Variants in ADAMTS14 observed in about 807,000 individuals in gnomAD.
ADAMTS14 encodes the protein A disintegrin and metalloproteinase with thrombospondin motifs 14.
In ADAMTS14, 100 loss-of-function variants were observed where a neutral mutation model predicts 128.6. The ratio of observed to expected loss-of-function variants is 0.78; its 90% CI spans 0.66 to 0.92. ADAMTS14 has a LOEUF of 0.92. Ranked by LOEUF, ADAMTS14 falls within the 40% of genes least tolerant of loss-of-function variation. ADAMTS14 has a pLI of 0.00. For missense variants in ADAMTS14, 1,562 were observed against 1,658.6 expected, an observed-to-expected ratio of 0.94 and a Z score of 1.01; for synonymous variants, 665 against 653.8, an observed-to-expected ratio of 1.02 and a Z score of -0.26.
chr10:70,746,539 G>A (rs774942372), intron 15 of ADAMTS14, among the ~76,000 whole-genome samples: 2 of 152,154 alleles, frequency 1.3e-5, no homozygotes, highest in African/African-American at 4.8e-5. Context: ...CAGGCGCAGC[G>A]GCTCACGCCT....
In ADAMTS14 at chr10:70,751,541, G is replaced by A. The variant is rs779748965; in HGVS notation, c.2491G>A (p.Asp831Asn). The change falls in exon 17 of 22, where the codon GAC (aspartate) becomes AAC (asparagine). Residue 831 changes from aspartate to asparagine, a missense_variant. Physicochemically the swap from Asp to Asn is conservative, Grantham distance 23 (BLOSUM62 1). Transcript: ENST00000373207. ...GGCCTACAAGTACGTCATCCATGAG[G>A]ACCTGCTGCCCCTTATCGGGAGCAA... ...SLAYKYVIHE[D>N]LLPLIGSNNV... is the part of the protein sequence containing the mutation. 1 of 1,613,678 alleles carries A rather than the reference G, an allele frequency of 6.2e-7. No individual in the cohort carries two copies. The highest frequency in any genetic ancestry group is 8.5e-7 in the Non-Finnish European group (1 of 1,179,664).
chr10:70,675,507 G>A (rs1169393284), intron 2 of ADAMTS14, among the ~76,000 whole-genome samples: 1 of 152,150 alleles, frequency 6.6e-6, no homozygotes, highest in African/African-American at 2.4e-5. Flanking sequence ...TCGTGGCGTG[G>A]GCACAGTTAG....
At chr10:70,692,118 G>T (rs976610438) in intron 2 of ADAMTS14, among the ~76,000 whole-genome samples, 4 of 151,996 alleles carry the variant, frequency 2.6e-5, no homozygotes, top group Non-Finnish European at 5.9e-5. Context: ...TGATTTCATC[G>T]GTCTGGGAGG....
intron 3 of ADAMTS14, among the ~76,000 whole-genome samples, chr10:70,705,901 A>C (rs949695327): frequency 2.6e-5 from 4 of 152,230 alleles, no homozygotes; most frequent in Non-Finnish European, 5.9e-5. Context: ...CATGTGCAAG[A>C]TTTTATGTGA....
intron 4 of ADAMTS14, 48 bp downstream of exon 4, chr10:70,708,826 GCCCCA>G: frequency 2.0e-5 from 8 of 396,606 alleles, no homozygotes; most frequent in East Asian, 7.1e-5. Flanking sequence ...GGTGGGGTGG[GCCCCA>G]CCCCACCCCA....
At chr10:70,746,665 C>A (rs1435896164) in intron 15 of ADAMTS14, among the ~76,000 whole-genome samples, 1 of 152,188 alleles carries the variant, frequency 6.6e-6, no homozygotes, top group African/African-American at 2.4e-5. Flanking sequence ...AATAAACAAT[C>A]AGCTAGGCGT....
Position 70,674,642 on chromosome 10 carries a change from G to C in ADAMTS14, c.169G>C (p.Val57Leu). The C allele has an allele frequency of 6.2e-7, 1 of 1,613,668 alleles. No individual in the cohort carries two copies. The highest frequency in any genetic ancestry group is 8.5e-7 in the Non-Finnish European group (1 of 1,180,032). ...TCGGGGACGCTTCCTCTCCCACGTG[G>C]TGTCTGGCCCAGCAGCAGCCTCTGC... ...DFRGRFLSHV[V>L]SGPAAASAGS... Residue 57 changes from valine (V) to leucine (L), a missense_variant, in exon 2 of 22, where the codon GTG (valine) becomes CTG (leucine). Coordinates refer to ENST00000373207, the MANE Select transcript of ADAMTS14 (RefSeq NM_080722.4).
chr10:70,695,173 T>A (rs1840297595), intron 2 of ADAMTS14, among the ~76,000 whole-genome samples: 1 of 152,168 alleles, frequency 6.6e-6, no homozygotes, highest in Non-Finnish European at 1.5e-5. Context: ...AAACGTCTGT[T>A]CAGATCCCTT....
chr10:70,721,279 T>G (rs1841253462), intron 4 of ADAMTS14, among the ~76,000 whole-genome samples: 1 of 152,118 alleles, frequency 6.6e-6, no homozygotes, highest in African/African-American at 2.4e-5. Flanking sequence ...TGCCTCAGCC[T>G]CCCAAAGTGC....
intron 4 of ADAMTS14, 148 bp from the exon 5 acceptor site, chr10:70,729,146 A>G (rs1309973562): frequency 1.7e-5 from 11 of 663,448 alleles, no homozygotes; most frequent in Non-Finnish European, 2.9e-5. Context: ...CCTCAGTCTC[A>G]GTTTCTTTAT....
rs542372507 is a variant in ADAMTS14, at chr10:70,751,484, C to T, written c.2434C>T (p.Pro812Ser). The change falls in exon 17 of 22, where the codon CCC becomes TCC. Residue 812 changes from proline to serine, a missense_variant. Transcript: ENST00000373207. ...GCTCCCCATCTCCCCTCAGGCTCTC[C>T]CCCCAACTGAGGGTGGCCCCCGCAG... ...LPEAIAILAL[P>S]PTEGGPRSSL... is the part of the protein sequence containing the mutation. 5.6e-6 allele frequency: 9 copies of T among 1,604,382 alleles called. No homozygotes were observed. The South Asian group carries it at 8.8e-5, about 16-fold the overall frequency.
chr10:70,755,049 G>GGTGGGCAGATCTTTGGGAGGCTGAT, intron 19 of ADAMTS14, among the ~76,000 whole-genome samples: 1 of 152,182 alleles, frequency 6.6e-6, no homozygotes, highest in African/African-American at 2.4e-5. Flanking sequence ...GGGAGGCTGA[G>GGTGGGCAGATCTTTGGGAGGCTGAT]GTGGGCAGAT....
chr10:70,729,989 C>T lies in ADAMTS14; in HGVS notation c.955-113C>T, dbSNP rs996504914. Reference sequence around the variant, plus strand: ...GACAGCTGGTGATCTTGGGGTGGGTCCTGCAGTCCTCTGGGCCTTAGCGTT... The same window carrying T: ...GACAGCTGGTGATCTTGGGGTGGGTTCTGCAGTCCTCTGGGCCTTAGCGTT... On this transcript the variant is annotated intron_variant, in intron 5 of 21. Coordinates refer to ENST00000373207, the MANE Select transcript of ADAMTS14 (RefSeq NM_080722.4). The T allele has an allele frequency of 6.9e-6, 9 of 1,304,036 alleles. No individual in the cohort carries two copies. In the South Asian group the frequency reaches 1.2e-4, roughly 18 times the overall value. The allele number at this position is 1,304,036 out of a possible 1,614,324, so 80.8% of individuals were successfully genotyped here.
intron 4 of ADAMTS14, among the ~76,000 whole-genome samples, chr10:70,709,864 A>G (rs1840790362): frequency 6.6e-6 from 1 of 152,248 alleles, no homozygotes; most frequent in African/African-American, 2.4e-5. Flanking sequence ...AATACACTAT[A>G]GGCCACAGGT....
chr10:70,733,679 A>G (rs898370995), intron 7 of ADAMTS14, among the ~76,000 whole-genome samples: 2 of 152,166 alleles, frequency 1.3e-5, no homozygotes, highest in Admixed American at 1.3e-4. Flanking sequence ...GAAGGCTTGG[A>G]GGGCAGGATG....
chr10:70,716,978 G>A (rs1011919219), intron 4 of ADAMTS14, among the ~76,000 whole-genome samples: 41 of 152,232 alleles, frequency 2.7e-4, no homozygotes, highest in African/African-American at 8.9e-4. Context: ...CAGCCTTGTC[G>A]CACACGCTGC....
chr10:70,679,952 G>A (rs1000007435), intron 2 of ADAMTS14, among the ~76,000 whole-genome samples: 1 of 152,160 alleles, frequency 6.6e-6, no homozygotes, highest in Admixed American at 6.5e-5. Flanking sequence ...GGGGTGGGGC[G>A]GGGGGAGTTG....
intron 7 of ADAMTS14, among the ~76,000 whole-genome samples, chr10:70,733,001 C>A (rs563586142): frequency 1.3e-5 from 2 of 152,290 alleles, no homozygotes; most frequent in Admixed American, 1.3e-4. Context: ...AGGCTACATG[C>A]TGGGTGGACA....
chr10:70,705,505 G>A (rs1840636835), intron 3 of ADAMTS14, among the ~76,000 whole-genome samples: 1 of 152,224 alleles, frequency 6.6e-6, no homozygotes, highest in Non-Finnish European at 1.5e-5. Flanking sequence ...ATGATTTGGT[G>A]GGTTTTTAAA....
Sources: gnomAD v4.1 joint callset for allele counts (sites outside exome capture counted in the v4.1 genomes callset) on GRCh38, gnomAD v4.1.1 for gene constraint, MANE v1.5 for transcripts, NCBI Gene and HGNC (gene_info 2026-07-23, HGNC 2026-07-21) for gene names.